ST7: variants seen among roughly 807,000 people sequenced by gnomAD.
ST7 encodes the protein suppressor of tumorigenicity 7 protein.
A neutral mutation model predicts 78.7 loss-of-function variants in ST7; 28 were observed. The ratio of observed to expected loss-of-function variants is 0.36; its 90% CI spans 0.26 to 0.49. ST7 has a LOEUF of 0.49. Ranked by LOEUF, ST7 falls within the 20% of genes least tolerant of loss-of-function variation. The pLI, the probability that ST7 is intolerant of heterozygous loss-of-function variation, is 0.99. For synonymous variants in ST7, 247 were observed against 249.6 expected, an observed-to-expected ratio of 0.99 and a Z score of 0.10; for missense variants, 418 against 696.0, an observed-to-expected ratio of 0.60 and a Z score of 4.49.
intron 9 of ST7, among the ~76,000 whole-genome samples, chr7:117,151,025 T>G (rs994037994): frequency 6.6e-6 from 1 of 152,208 alleles, no homozygotes; most frequent in African/African-American, 2.4e-5. Context: ...CACAGTCTAG[T>G]CACTTCTTCC....
In ST7 at chr7:117,090,236, AACACACACACACACACAG is replaced by A. The variant is rs1279390530; in HGVS notation, c.152-9508_152-9491del. Reference sequence around the variant, plus strand: ...ACTGTACAGGTAGTCTAAGGATAGAAACACACACACACACACAGACACACACACACACACACACACACG... The same window carrying A: ...ACTGTACAGGTAGTCTAAGGATAGAAACACACACACACACACACACACACG... On this transcript the variant is annotated intron_variant, in intron 1 of 15. Coordinates refer to ENST00000323984, the MANE Select transcript of ST7 (RefSeq NM_001369598.1). Among the ~76,000 whole-genome samples, 5 of 139,930 alleles carry A rather than the reference AACACACACACACACACAG, an allele frequency of 3.6e-5. No individual in the cohort carries two copies. The East Asian group carries it at 6.6e-4, about 18-fold the overall frequency. The allele number at this position is 139,930 out of a possible 152,430, so 91.8% of individuals were successfully genotyped here.
At chr7:117,074,309 T>A (rs1007648087) in intron 1 of ST7, among the ~76,000 whole-genome samples, 4 of 152,170 alleles carry the variant, frequency 2.6e-5, no homozygotes, top group Non-Finnish European at 5.9e-5. Flanking sequence ...GAGAATCGCT[T>A]GAACCCAGGA....
chr7:116,997,058 C>T (rs190991172), intron 1 of ST7, among the ~76,000 whole-genome samples: 4 of 152,022 alleles, frequency 2.6e-5, no homozygotes, highest in Non-Finnish European at 4.4e-5. Flanking sequence ...ACAAAGGTGG[C>T]GTGTCCAGAG....
chr7:117,224,635 C>T (rs551768767), intron 15 of ST7, among the ~76,000 whole-genome samples: 1 of 152,284 alleles, frequency 6.6e-6, no homozygotes, highest in East Asian at 1.9e-4. Context: ...TGTAATAGCA[C>T]TTGGTGGGAG....
chr7:117,139,381 C>T (rs1286953378), intron 9 of ST7, among the ~76,000 whole-genome samples: 4 of 152,132 alleles, frequency 2.6e-5, no homozygotes, highest in Admixed American at 6.6e-5. Flanking sequence ...AAGAACCAAG[C>T]GGCAAGATAA....
intron 15 of ST7, among the ~76,000 whole-genome samples, chr7:117,222,474 A>AT (rs1445478084): frequency 1.3e-5 from 2 of 152,202 alleles, no homozygotes; most frequent in African/African-American, 4.8e-5. Context: ...TGATTTAAAT[A>AT]ATTTTTTTTA....
chr7:116,994,253 G>A (rs1211232948), intron 1 of ST7, among the ~76,000 whole-genome samples: 1 of 152,106 alleles, frequency 6.6e-6, no homozygotes, highest in African/African-American at 2.4e-5. Context: ...GAGGAATCAT[G>A]TAATATTTAT....
chr7:117,095,433 C>G (rs766066080), intron 1 of ST7, among the ~76,000 whole-genome samples: 50 of 152,228 alleles, frequency 3.3e-4, no homozygotes, highest in Admixed American at 1.4e-3. Context: ...ATGTACCTAC[C>G]CTGCCTACTT....
chr7:117,003,667 A>G (rs1431937633), intron 1 of ST7, among the ~76,000 whole-genome samples: 1 of 152,134 alleles, frequency 6.6e-6, no homozygotes, highest in Non-Finnish European at 1.5e-5. Context: ...TCCTGGGCTC[A>G]AGTGATCCTC....
intron 1 of ST7, chr7:116,959,528 T>TA: frequency 3.5e-6 from 1 of 284,624 alleles, no homozygotes; most frequent in South Asian, 3.5e-5. Context: ...ACGGTGTATT[T>TA]AGTGAGCTGG....
chr7:117,145,107 T>A (rs764806332), intron 9 of ST7, among the ~76,000 whole-genome samples: 3 of 151,948 alleles, frequency 2.0e-5, no homozygotes, highest in African/African-American at 7.3e-5. Context: ...CTTGAGAGGC[T>A]GAAGCAGGAA....
intron 1 of ST7, among the ~76,000 whole-genome samples, chr7:117,095,643 G>A (rs1800971614): frequency 6.6e-6 from 1 of 152,116 alleles, no homozygotes; most frequent in Admixed American, 6.5e-5. Flanking sequence ...AAAGCCCTCT[G>A]ATTTGTTGAA....
chr7:117,067,442 T>C (rs910996556), intron 1 of ST7, among the ~76,000 whole-genome samples: 1 of 152,084 alleles, frequency 6.6e-6, no homozygotes, highest in Non-Finnish European at 1.5e-5. Flanking sequence ...AGAACTGAGC[T>C]TGGTTCTGAG....
intron 9 of ST7, among the ~76,000 whole-genome samples, chr7:117,154,063 T>A (rs1806493880): frequency 6.6e-6 from 1 of 151,636 alleles, no homozygotes; most frequent in East Asian, 1.9e-4. Flanking sequence ...ACTAAAGGAG[T>A]ACTACGGAAT....
intron 9 of ST7, among the ~76,000 whole-genome samples, chr7:117,169,519 A>G (rs941860513): frequency 2.6e-5 from 4 of 152,080 alleles, no homozygotes; most frequent in African/African-American, 7.2e-5. Flanking sequence ...GTGAAGTTCA[A>G]TATTATATAT....
At chr7:117,067,533 T>TA (rs1199811175) in intron 1 of ST7, among the ~76,000 whole-genome samples, 1 of 152,076 alleles carries the variant, frequency 6.6e-6, no homozygotes, top group African/African-American at 2.4e-5. Flanking sequence ...ACTGAGAAGA[T>TA]AAAATGACCT....
intron 1 of ST7, chr7:117,020,278 C>T: frequency 2.8e-6 from 1 of 361,638 alleles, no homozygotes; most frequent in Non-Finnish European, 5.1e-6. Flanking sequence ...GCTCCCAGTC[C>T]TGCCCCTGCT....
chr7:117,228,063 C>T (rs1793561569), intron 15 of ST7, among the ~76,000 whole-genome samples: 2 of 152,158 alleles, frequency 1.3e-5, no homozygotes, highest in Admixed American at 6.5e-5. Context: ...GTTGCTTTTC[C>T]ATTTCTCTTT....
chr7:116,995,378 C>CA (rs1231142564), intron 1 of ST7, among the ~76,000 whole-genome samples: 4 of 152,158 alleles, frequency 2.6e-5, no homozygotes, highest in African/African-American at 9.7e-5. Flanking sequence ...CTTTCTAAAA[C>CA]AGACTACCAC....
Sources: gnomAD v4.1 joint callset for allele counts (sites outside exome capture counted in the v4.1 genomes callset) on GRCh38, gnomAD v4.1.1 for gene constraint, MANE v1.5 for transcripts, NCBI Gene and HGNC (gene_info 2026-07-23, HGNC 2026-07-21) for gene names.